PARD3B: variants seen among roughly 807,000 people sequenced by gnomAD.
PARD3B encodes the protein partitioning defective 3 homolog B.
A neutral mutation model predicts 130.2 loss-of-function variants in PARD3B; 103 were observed. The ratio of observed to expected loss-of-function variants is 0.79; its 90% confidence interval spans 0.67 to 0.93. The LOEUF is 0.93. PARD3B is among the 40% of genes least tolerant of loss of function. The probability of loss-of-function intolerance (pLI) is 0.00; values close to 1 mark genes in which losing one functional copy is unlikely to be tolerated. For synonymous variants in PARD3B, 583 were observed against 553.2 expected (o/e 1.05, Z -0.76); for missense variants, 1,609 against 1,499.2 (o/e 1.07, Z -1.21).
At chr2:205,480,740 G>A (rs1196997651) in intron 20 of PARD3B, among the ~76,000 whole-genome samples, 1 of 152,210 alleles carries the variant, frequency 6.6e-6, no homozygotes, top group Non-Finnish European at 1.5e-5. Context: ...TTCTGTTCTT[G>A]TGGTGGAAGG....
Position 205,351,334 on chromosome 2 carries a change from GTTGGTTGCAT to G in PARD3B, c.2630+49636_2630+49645del, listed in dbSNP as rs2043987694. ...ATCAGGGAATAGTCTCTTAATCCCA[GTTGGTTGCAT>G]TTTTTTCCTTTTTATCAGTCTAGAT... is the stretch of plus-strand genomic sequence containing the variant. On this transcript the variant is annotated intron_variant, in intron 18 of 22. Coordinates refer to ENST00000406610, the MANE Select transcript of PARD3B (RefSeq NM_001302769.2). This position sits in a 1 kb window ranked among gnomAD's most constrained non-coding sequence, Gnocchi z 4.2. Among the ~76,000 whole-genome samples the G allele has an allele frequency of 6.6e-6, 1 of 152,156 alleles. No homozygotes were observed. Among genetic ancestry groups the G allele is most frequent in the African/African-American group, 2.4e-5 (1 of 41,444 alleles).
chr2:205,199,830 G>A (rs16837099), intron 15 of PARD3B, among the ~76,000 whole-genome samples: 9,835 of 152,070 alleles, frequency 0.065, 432 homozygotes, highest in East Asian at 0.22. Flanking sequence ...TAAAGTGGCC[G>A]TCCCTGATCA....
At chr2:205,502,775 GT>G (rs2050203449) in intron 21 of PARD3B, among the ~76,000 whole-genome samples, 1 of 152,066 alleles carries the variant, frequency 6.6e-6, no homozygotes, top group Non-Finnish European at 1.5e-5. Context: ...TCACTTGAAA[GT>G]TTATTAGGGT....
intron 2 of PARD3B, among the ~76,000 whole-genome samples, chr2:204,765,163 G>A (rs1389193723): frequency 2.6e-5 from 4 of 152,186 alleles, no homozygotes; most frequent in Non-Finnish European, 4.4e-5. Context: ...CAGTACATTT[G>A]TTTCACTGAG....
intron 20 of PARD3B, among the ~76,000 whole-genome samples, chr2:205,479,211 C>G (rs988681123): frequency 6.6e-6 from 1 of 152,186 alleles, no homozygotes; most frequent in Non-Finnish European, 1.5e-5. Context: ...GGTTTTGGCC[C>G]TTGCACATGG....
intron 13 of PARD3B, among the ~76,000 whole-genome samples, chr2:205,185,102 A>C (rs2036018572): frequency 6.6e-6 from 1 of 152,202 alleles, no homozygotes; most frequent in Admixed American, 6.5e-5. Context: ...GATATTAGAG[A>C]TACATGTCTA....
chr2:204,617,674 G>GT (rs1189308868), intron 1 of PARD3B, among the ~76,000 whole-genome samples: 1 of 152,126 alleles, frequency 6.6e-6, no homozygotes, highest in East Asian at 1.9e-4. Context: ...AGTAACCAGT[G>GT]TAACACTCAA....
chr2:205,122,435 C>T lies in PARD3B; in HGVS notation c.1165+486C>T, dbSNP rs923153296. On this transcript the variant is annotated intron_variant, in intron 8 of 22. Transcript: ENST00000406610. This position sits in a 1 kb window ranked among gnomAD's most constrained non-coding sequence, Gnocchi z 4.3. ...CAACGTCACAAACATTTAAAACATA[C>T]CTAATTTCAAAAGCATGTATAATAT... 6.6e-6 allele frequency among the ~76,000 whole-genome samples: 1 copy of T among 152,194 alleles called. No individual in the cohort carries two copies. Among genetic ancestry groups the T allele is most frequent in the East Asian group, 1.9e-4 (1 of 5,198 alleles).
intron 18 of PARD3B, among the ~76,000 whole-genome samples, chr2:205,386,413 A>G (rs2045662371): frequency 6.6e-6 from 1 of 152,150 alleles, no homozygotes; most frequent in African/African-American, 2.4e-5. Context: ...TAATTGAGTA[A>G]TTGTTTCTTA....
At chr2:205,133,301 G>A (rs1405108305) in intron 10 of PARD3B, among the ~76,000 whole-genome samples, 1 of 152,166 alleles carries the variant, frequency 6.6e-6, no homozygotes, top group African/African-American at 2.4e-5. Context: ...TCGTGTTAAA[G>A]TATTTTAAAT....
At chr2:205,348,536 T>C (rs1023571428) in intron 18 of PARD3B, among the ~76,000 whole-genome samples, 10 of 152,102 alleles carry the variant, frequency 6.6e-5, no homozygotes, top group African/African-American at 2.2e-4. Flanking sequence ...ACATTGACCC[T>C]AACTAAATAT....
At chr2:204,898,733 C>T in intron 2 of PARD3B, among the ~76,000 whole-genome samples, 1 of 152,074 alleles carries the variant, frequency 6.6e-6, no homozygotes, top group East Asian at 1.9e-4. Context: ...AAGTCAGTAG[C>T]TATTATTGTA....
At chr2:205,095,107 A>G (rs1166783402) in intron 4 of PARD3B, among the ~76,000 whole-genome samples, 1 of 152,158 alleles carries the variant, frequency 6.6e-6, no homozygotes, top group African/African-American at 2.4e-5. Flanking sequence ...GCATGATCTG[A>G]AGCAGACCTT....
chr2:205,401,184 T>C lies in PARD3B; in HGVS notation c.2741+61T>C, dbSNP rs147506423. 2.3e-6 allele frequency: 3 copies of C among 1,296,600 alleles called. No homozygotes were observed. The African/African-American group carries it at 4.4e-5, about 19-fold the overall frequency. 80.3% of individuals were successfully genotyped at this position (1,296,600 alleles called of 1,614,324 possible). On this transcript the variant is annotated intron_variant, in intron 19 of 22. Transcript: ENST00000406610. Reference sequence around the variant, plus strand: ...CTCTATGGTCTGGGTTTAATTTAGATATTGCAACAGTCAACTGGAGAAATT... The same window carrying C: ...CTCTATGGTCTGGGTTTAATTTAGACATTGCAACAGTCAACTGGAGAAATT...
chr2:205,237,340 G>A (rs2039112075), intron 15 of PARD3B, among the ~76,000 whole-genome samples: 1 of 152,066 alleles, frequency 6.6e-6, no homozygotes, highest in Admixed American at 6.6e-5. Flanking sequence ...GACCTCAGAT[G>A]ATCCACCCGA....
intron 15 of PARD3B, among the ~76,000 whole-genome samples, chr2:205,219,853 AG>A (rs1297130615): frequency 6.6e-6 from 1 of 152,174 alleles, no homozygotes; most frequent in African/African-American, 2.4e-5. Flanking sequence ...CACAGGCAAA[AG>A]TGCCATGAAG....
At chr2:205,493,447 C>T (rs1244275163) in intron 20 of PARD3B, among the ~76,000 whole-genome samples, 4 of 152,058 alleles carry the variant, frequency 2.6e-5, no homozygotes, top group African/African-American at 9.7e-5. Context: ...TGAAATTCCA[C>T]CCTTTTGTGA....
At chr2:205,401,787 A>G (rs987808788) in intron 19 of PARD3B, among the ~76,000 whole-genome samples, 3 of 152,194 alleles carry the variant, frequency 2.0e-5, no homozygotes, top group Non-Finnish European at 4.4e-5. Flanking sequence ...ATTTTCAAAC[A>G]TGTAATTGAA....
At chr2:205,126,709 G>A (rs1241790524) in intron 10 of PARD3B, among the ~76,000 whole-genome samples, 2 of 132,566 alleles carry the variant, frequency 1.5e-5, no homozygotes, top group Non-Finnish European at 3.1e-5. Context: ...TTGCGCCACT[G>A]CAGTCCGCAG....
Sources: allele counts gnomAD v4.1 joint callset (sites outside exome capture counted in the v4.1 genomes callset), GRCh38; gene constraint gnomAD v4.1.1; non-coding constraint Gnocchi (gnomAD v3.1); transcripts MANE v1.5; gene names NCBI Gene and HGNC (gene_info 2026-07-23, HGNC 2026-07-21).